NT5E: variants seen among roughly 807,000 people sequenced by gnomAD.
The protein encoded by NT5E is 5'-nucleotidase.
NT5E carries 53 observed loss-of-function variants against 55.1 expected under a neutral mutation model. That is an observed-to-expected ratio of 0.96 (90% CI 0.77 to 1.21). The LOEUF (loss-of-function observed/expected upper bound fraction) is 1.21, where lower values mean the gene tolerates loss of function less well. Ranked by LOEUF, NT5E falls within the 50% of genes most tolerant of loss-of-function variation. NT5E has a pLI of 0.00. For synonymous variants in NT5E, 270 were observed against 278.4 expected (o/e 0.97, Z 0.30); for missense variants, 683 against 724.3 (o/e 0.94, Z 0.65).
rs534928077 is a variant in NT5E, at chr6:85,479,017, G to T, written c.752-6218G>T. Reference sequence around the variant, plus strand: ...ATATTAATTCACAGAAATTATATTGGTCATAAGGCGGTAGGACTATGAATA... The same window carrying T: ...ATATTAATTCACAGAAATTATATTGTTCATAAGGCGGTAGGACTATGAATA... On this transcript the variant is annotated intron_variant, in intron 3 of 8. Transcript: ENST00000257770. Among the ~76,000 whole-genome samples the T allele has an allele frequency of 5.3e-5, 8 of 151,992 alleles. No individual in the cohort carries two copies. The South Asian group carries it at 1.7e-3, about 32-fold the overall frequency.
intron 1 of NT5E, among the ~76,000 whole-genome samples, chr6:85,465,996 G>T (rs2127756377): frequency 6.6e-6 from 1 of 152,284 alleles, no homozygotes; most frequent in East Asian, 1.9e-4. Flanking sequence ...GAGATTTGCT[G>T]GTTTAAGTAC....
At position 85,489,504 on chromosome 6, in the gene NT5E, A is replaced by G; in HGVS notation, c.1115A>G (p.Asn372Ser). The G allele has an allele frequency of 1.2e-6, 2 of 1,612,626 alleles. No homozygotes were observed. The highest frequency in any genetic ancestry group is 1.7e-6 in the Non-Finnish European group (2 of 1,178,774). ...GTGCTACTGTTGCAGATTAACAACA[A>G]CCTGAGACACACGGATGAAATGTTC... ...NLICDAMINN[N>S]LRHTDEMFWN... The change falls in exon 6 of 9, where the codon AAC becomes AGC. Residue 372 changes from asparagine (N) to serine (S), a missense_variant. By Grantham distance (46) the Asn-to-Ser change is conservative. Coordinates refer to ENST00000257770, the MANE Select transcript of NT5E (RefSeq NM_002526.4).
chr6:85,478,974 C>T (rs570610803), intron 3 of NT5E, among the ~76,000 whole-genome samples: 20 of 152,186 alleles, frequency 1.3e-4, no homozygotes, highest in African/African-American at 4.6e-4. Flanking sequence ...ACCAATTTCC[C>T]CTCCTTGCTT....
chr6:85,471,473 C>T (rs1330649026), intron 3 of NT5E, 48 bp downstream of exon 3: 1 of 1,545,278 alleles, frequency 6.5e-7, no homozygotes, highest in Non-Finnish European at 8.9e-7. Flanking sequence ...CAGATAAGCA[C>T]TGTGTCTCTT....
In NT5E at chr6:85,494,905, G is replaced by A. The variant is rs1028552076; in HGVS notation, c.*901G>A. Reference sequence around the variant, plus strand: ...ATTTACACATGTTAAACAGATACTTGTTAAGCATAGTGCCTGACACACGGC... The same window carrying A: ...ATTTACACATGTTAAACAGATACTTATTAAGCATAGTGCCTGACACACGGC... On this transcript the variant is annotated 3_prime_UTR_variant, in exon 9 of 9. Coordinates refer to ENST00000257770, the MANE Select transcript of NT5E (RefSeq NM_002526.4). 6.6e-5 allele frequency: 10 copies of A among 152,004 alleles called. No individual in the cohort carries two copies. Among genetic ancestry groups the A allele is most frequent in the Admixed American group, 5.9e-4 (9 of 15,274 alleles). 9.4% of individuals were successfully genotyped at this position (152,004 alleles called of 1,614,324 possible). A position where few individuals can be genotyped will look rare whatever the true frequency, so the allele number is the denominator to read the frequency against.
rs1769839296 is a variant in NT5E, at chr6:85,493,936, C to A, written c.1657C>A (p.His553Asn). The change falls in exon 9 of 9, where the codon CAC becomes AAC. Residue 553 changes from histidine (H) to asparagine (N), a missense_variant. Transcript: ENST00000257770. ...TCGGATCAAGTTTTCCACAGGAAGTCACTGCCATGGAAGCTTTTCTTTAAT... is the reference window on the plus strand; with the variant it reads ...TCGGATCAAGTTTTCCACAGGAAGTAACTGCCATGGAAGCTTTTCTTTAAT... ...EGRIKFSTGS[H>N]CHGSFSLIFL... 2 of 1,613,984 alleles carry A rather than the reference C, an allele frequency of 1.2e-6. No individual in the cohort carries two copies. The highest frequency in any genetic ancestry group is 2.2e-5 in the South Asian group (2 of 91,086).
intron 3 of NT5E, among the ~76,000 whole-genome samples, chr6:85,473,405 C>G (rs940220237): frequency 3.9e-5 from 6 of 152,138 alleles, no homozygotes; most frequent in Non-Finnish European, 8.8e-5. Context: ...TGTGCTGGCT[C>G]ACTGGATAAG....
Position 85,492,136 on chromosome 6 carries a change from G to A in NT5E, c.1520G>A (p.Gly507Glu). The change falls in exon 8 of 9, where the codon GGG becomes GAG. Residue 507 changes from glycine (G) to glutamate (E), a missense_variant. Gly to Glu is a moderately conservative substitution (Grantham distance 98). Coordinates refer to ENST00000257770, the MANE Select transcript of NT5E (RefSeq NM_002526.4). ...AACTTCCTGGCCAATGGTGGAGATG[G>A]GTTCCAGATGATAAAAGATGAATTA... The part of the protein sequence containing the change: ...LPNFLANGGD[G>E]FQMIKDELLR... The A allele has an allele frequency of 6.2e-7, 1 of 1,614,134 alleles. No homozygotes were observed. The highest frequency in any genetic ancestry group is 8.5e-7 in the Non-Finnish European group (1 of 1,180,002).
intron 3 of NT5E, among the ~76,000 whole-genome samples, chr6:85,476,864 G>A (rs1448620480): frequency 6.6e-6 from 1 of 152,048 alleles, no homozygotes; most frequent in Non-Finnish European, 1.5e-5. Context: ...CCATTCCACT[G>A]CCAGTGGATC....
intron 1 of NT5E, among the ~76,000 whole-genome samples, chr6:85,456,518 A>G (rs922780107): frequency 9.9e-5 from 15 of 152,188 alleles, no homozygotes; most frequent in Middle Eastern, 3.2e-3. Context: ...AGAATGTCAG[A>G]ATGCATCTGA....
In NT5E at chr6:85,485,432, G is replaced by A; in HGVS notation, c.949G>A (p.Asp317Asn). 1 of 1,613,858 alleles carries A rather than the reference G, an allele frequency of 6.2e-7. No homozygotes were observed. Among genetic ancestry groups the A allele is most frequent in the Non-Finnish European group, 8.5e-7 (1 of 1,179,706 alleles). Residue 317 changes from aspartate (D) to asparagine (N), a missense_variant and splice_region_variant, in exon 4 of 9, where the codon GAT becomes AAT. By Grantham distance (23) the Asp-to-Asn change is conservative. Transcript: ENST00000257770. ...PILLNSSIPE[D>N]PSIKADINKW... Reference sequence around the variant, plus strand: ...TCTTCTAAACAGCAGCATTCCTGAAGGTAAGTGAAGTTCAGGGGAATGTTC... The same window carrying A: ...TCTTCTAAACAGCAGCATTCCTGAAAGTAAGTGAAGTTCAGGGGAATGTTC...
chr6:85,467,197 G>T lies in NT5E; in HGVS notation c.477G>T (p.Leu159Phe). 1 of 1,614,104 alleles carries T rather than the reference G, an allele frequency of 6.2e-7. No homozygotes were observed. Among genetic ancestry groups the T allele is most frequent in the African/African-American group, 1.3e-5 (1 of 75,010 alleles). ...CATCTCAAATATCAGGACTTTATTT[G>T]CCATATAAAGTTCTTCCTGTTGGTG... ...PLASQISGLY[L>F]PYKVLPVGDE... The change falls in exon 2 of 9, where the codon TTG becomes TTT. Residue 159 changes from leucine (L) to phenylalanine (F), a missense_variant. Physicochemically the swap from Leu to Phe is conservative, Grantham distance 22 (BLOSUM62 0). Coordinates refer to ENST00000257770, the MANE Select transcript of NT5E (RefSeq NM_002526.4).
rs528099465 is a variant in NT5E at position 85,458,583 on chromosome 6, C to T, written c.339+8105C>T. ...CATCACTCACAAATACATCTGAATGCTCTGTACTCTCCAGTGTTTATTTTC... is the reference window on the plus strand; with the variant it reads ...CATCACTCACAAATACATCTGAATGTTCTGTACTCTCCAGTGTTTATTTTC... On this transcript the variant is annotated intron_variant, in intron 1 of 8. Coordinates refer to ENST00000257770, the MANE Select transcript of NT5E (RefSeq NM_002526.4). Among the ~76,000 whole-genome samples, 31 of 152,326 alleles carry T rather than the reference C, an allele frequency of 2.0e-4. No homozygotes were observed. In the East Asian group the frequency reaches 6.0e-3, roughly 29 times the overall value.
At chr6:85,466,729 G>C (rs1450689802) in intron 1 of NT5E, among the ~76,000 whole-genome samples, 1 of 152,164 alleles carries the variant, frequency 6.6e-6, no homozygotes, top group Non-Finnish European at 1.5e-5. Context: ...GGGTTTATGA[G>C]AGAAAAACAA....
rs1456220505 is a variant in NT5E, at chr6:85,493,887, A to G, written c.1608A>G (p.Lys536=). The change falls in exon 9 of 9, where the codon AAA becomes AAG. Residue 536 remains lysine, a synonymous_variant. Coordinates refer to ENST00000257770, the MANE Select transcript of NT5E (RefSeq NM_002526.4). The stretch of plus-strand genomic sequence containing the variant: ...TTTCTACATATATCTCCAAAATGAA[A>G]GTAATTTATCCAGCAGTTGAAGGTC... ...NVVSTYISKM[K]VIYPAVEGRI... 1.2e-6 allele frequency: 2 copies of G among 1,613,966 alleles called. No individual in the cohort carries two copies. Among genetic ancestry groups the G allele is most frequent in the Non-Finnish European group, 1.7e-6 (2 of 1,179,964 alleles).
intron 1 of NT5E, among the ~76,000 whole-genome samples, chr6:85,462,242 A>G (rs941715547): frequency 6.6e-6 from 1 of 152,076 alleles, no homozygotes; most frequent in African/African-American, 2.4e-5. Flanking sequence ...GCAGGCTGCC[A>G]GACTGAGCTT....
At chr6:85,493,711 C>T (rs767953488) in intron 8 of NT5E, 130 bp from the exon 9 acceptor site, 6 of 713,448 alleles carry the variant, frequency 8.4e-6, no homozygotes, top group Non-Finnish European at 1.4e-5. Flanking sequence ...TGATCACTAG[C>T]GTTCTTGTCT....
At chr6:85,485,945 G>A (rs1335814740) in intron 4 of NT5E, among the ~76,000 whole-genome samples, 1 of 152,220 alleles carries the variant, frequency 6.6e-6, no homozygotes, top group Non-Finnish European at 1.5e-5. Flanking sequence ...TTCCTAGGCA[G>A]ATTGGCAGGT....
At chr6:85,467,540 A>C (rs1769220122) in intron 2 of NT5E, among the ~76,000 whole-genome samples, 1 of 152,180 alleles carries the variant, frequency 6.6e-6, no homozygotes, top group African/African-American at 2.4e-5. Context: ...TCAAAATGGG[A>C]AGAGGAGACA....
Sources: gnomAD v4.1 joint callset for allele counts (sites outside exome capture counted in the v4.1 genomes callset) on GRCh38, gnomAD v4.1.1 for gene constraint, MANE v1.5 for transcripts, NCBI Gene and HGNC (gene_info 2026-07-23, HGNC 2026-07-21) for gene names.